The following CROCC2 variants were observed in gnomAD, a reference collection of about 807,000 sequenced individuals.
The protein encoded by CROCC2 is ciliary rootlet coiled-coil, rootletin family member 2.
A neutral mutation model predicts 177.6 loss-of-function variants in CROCC2; 163 were observed. The observed-to-expected ratio is 0.92, with a 90% CI of 0.81 to 1.05. The LOEUF is 1.05. Among genes scored for constraint, CROCC2 ranks in the 50% least tolerant of loss-of-function variants. The pLI, the probability that CROCC2 is intolerant of heterozygous loss-of-function variation, is 0.00. For missense variants in CROCC2, 1,929 were observed against 1,797.8 expected (o/e 1.07, Z -1.32); for synonymous variants, 904 against 787.3 (o/e 1.15, Z -2.48).
intron 4 of CROCC2, among the ~76,000 whole-genome samples, chr2:240,923,294 A>G (rs1054751584): frequency 1.3e-5 from 2 of 151,786 alleles, no homozygotes; most frequent in African/African-American, 4.8e-5. Context: ...GTCAGTGAGC[A>G]CTGACATTAG....
At position 240,960,393 on chromosome 2, in the gene CROCC2, C is replaced by T. The variant is rs555305713; in HGVS notation, c.3087+949C>T. Among the ~76,000 whole-genome samples the T allele has an allele frequency of 6.6e-5, 10 of 151,818 alleles. No individual in the cohort carries two copies. Among genetic ancestry groups the T allele is most frequent in the South Asian group, 4.2e-4 (2 of 4,806 alleles). The stretch of plus-strand genomic sequence containing the variant: ...GCCCCCAGGAGCCACATGATGGTGA[C>T]GTGGGGTGGGGGACAGTCTTGGGCA... On this transcript the variant is annotated intron_variant, in intron 20 of 31. Coordinates refer to ENST00000690015, the MANE Select transcript of CROCC2 (RefSeq NM_001351305.2). The surrounding 1 kb of genome is among the most constrained non-coding windows in gnomAD (Gnocchi z 5.0).
intron 20 of CROCC2, among the ~76,000 whole-genome samples, chr2:240,961,847 G>GAT (rs2059640008): frequency 4.1e-5 from 2 of 49,342 alleles, no homozygotes; most frequent in South Asian, 1.2e-3. Flanking sequence ...ATACACTCAT[G>GAT]ACACACACGC....
In CROCC2 at chr2:240,949,814, G is replaced by T. The variant is rs1381688040; in HGVS notation, c.2652+112G>T. ...GGAGACAGAGCTCAGAGACATAGGC[G>T]CCTGGCCAGGGCTGGGCAAGGACCA... On this transcript the variant is annotated intron_variant, in intron 17 of 31. Coordinates refer to ENST00000690015, the MANE Select transcript of CROCC2 (RefSeq NM_001351305.2). This position sits in a 1 kb window ranked among gnomAD's most constrained non-coding sequence, Gnocchi z 4.5. 6.0e-6 allele frequency: 7 copies of T among 1,159,488 alleles called. No individual in the cohort carries two copies. In the Admixed American group the frequency reaches 1.4e-4, roughly 23 times the overall value. 71.8% of individuals were successfully genotyped at this position (1,159,488 alleles called of 1,614,324 possible).
chr2:240,933,421 C>G (rs949754315), intron 10 of CROCC2, 79 bp downstream of exon 10: 4 of 1,367,670 alleles, frequency 2.9e-6, no homozygotes, highest in Non-Finnish European at 3.9e-6. Context: ...TCAGGACAAG[C>G]ACCTCTAGAG....
intron 5 of CROCC2, 130 bp from the exon 6 acceptor site, chr2:240,930,034 GAT>G (rs1188213124): frequency 1.3e-5 from 7 of 529,234 alleles, no homozygotes; most frequent in South Asian, 3.5e-5. Flanking sequence ...TTGCCTGTGA[GAT>G]ATGGGGGCTT....
At chr2:240,943,345 G>A (rs1234276704) in intron 14 of CROCC2, among the ~76,000 whole-genome samples, 4 of 151,956 alleles carry the variant, frequency 2.6e-5, no homozygotes, top group Non-Finnish European at 4.4e-5. Context: ...TTACCTCAAG[G>A]CATTTCCTTG....
intron 28 of CROCC2, among the ~76,000 whole-genome samples, chr2:240,986,391 C>G (rs1355349971): frequency 1.3e-5 from 2 of 151,968 alleles, no homozygotes; most frequent in African/African-American, 2.4e-5. Context: ...GAGCCCCACA[C>G]CCACCCCCTC....
Position 240,953,923 on chromosome 2 carries a change from T to C in CROCC2, c.2830-1936T>C, listed in dbSNP as rs1325778926. Among the ~76,000 whole-genome samples the C allele has an allele frequency of 6.6e-6, 1 of 152,170 alleles. No individual in the cohort carries two copies. The highest frequency in any genetic ancestry group is 6.5e-5 in the Admixed American group (1 of 15,290). On this transcript the variant is annotated intron_variant, in intron 18 of 31. Transcript: ENST00000690015. This position sits in a 1 kb window ranked among gnomAD's most constrained non-coding sequence, Gnocchi z 4.0. ...CACCCGAGAGAACGACACGCTTCTA[T>C]ATTTGATGAAGTTTTGCCTAAAATT...
In CROCC2 at chr2:240,934,353, G is replaced by A. The variant is rs2059453696; in HGVS notation, c.1669G>A (p.Glu557Lys). The change falls in exon 12 of 32, where the codon GAG (glutamate) becomes AAG (lysine). Residue 557 changes from glutamate (E) to lysine (K), a missense_variant. By Grantham distance (56) the Glu-to-Lys change is moderately conservative. Around this residue, in one of 3 missense-constraint regions of CROCC2, gnomAD observed 1,397 missense variants for 1,239.9 expected, o/e 1.13. Coordinates refer to ENST00000690015, the MANE Select transcript of CROCC2 (RefSeq NM_001351305.2). ...CAGTCAAGGCCGCCTGCAGCAGCTGGAGGAGAAGGTCTCCGGGCTCAGAGA... is the reference window on the plus strand; with the variant it reads ...CAGTCAAGGCCGCCTGCAGCAGCTGAAGGAGAAGGTCTCCGGGCTCAGAGA... Reference protein sequence around the residue: ...ETSQGRLQQLEEKVSGLREEL... With the variant: ...ETSQGRLQQLKEKVSGLREEL... 7 of 1,548,650 alleles carry A rather than the reference G, an allele frequency of 4.5e-6. No individual in the cohort carries two copies. In the Admixed American group the frequency reaches 9.8e-5, roughly 22 times the overall value.
At chr2:240,925,926 G>A (rs1414393580) in intron 5 of CROCC2, 46 bp downstream of exon 5, 2 of 672,990 alleles carry the variant, frequency 3.0e-6, no homozygotes, top group East Asian at 2.7e-5. Flanking sequence ...GCCTGTCTGG[G>A]TGCCTATGGC....
chr2:240,982,870 T>G lies in CROCC2; in HGVS notation c.4402-10T>G. On this transcript the variant is annotated splice_polypyrimidine_tract_variant and intron_variant, in intron 27 of 31. Transcript: ENST00000690015. The surrounding 1 kb of genome is among the most constrained non-coding windows in gnomAD (Gnocchi z 4.7). Reference sequence around the variant, plus strand: ...GTCTCCAGGTGGACCCTGTGTCTCCTTCCCCCCAGGAGCAACTGGAAACGC... The same window carrying G: ...GTCTCCAGGTGGACCCTGTGTCTCCGTCCCCCCAGGAGCAACTGGAAACGC... The G allele has an allele frequency of 6.5e-7, 1 of 1,545,110 alleles. No individual in the cohort carries two copies. Among genetic ancestry groups the G allele is most frequent in the Non-Finnish European group, 8.7e-7 (1 of 1,144,280 alleles).
chr2:240,922,513 C>T (rs751206711), intron 3 of CROCC2, 26 bp from the exon 4 acceptor site: 2 of 689,872 alleles, frequency 2.9e-6, no homozygotes, highest in Non-Finnish European at 5.4e-6. Flanking sequence ...AGCAGCCAGA[C>T]CAGGTGGGCT....
At chr2:240,956,430 T>G in intron 19 of CROCC2, 1 of 167,318 alleles carries the variant, frequency 6.0e-6, no homozygotes, top group Non-Finnish European at 1.3e-5. Context: ...CAGAGGAAAC[T>G]CTCGGCAGGA....
rs547039324 is a variant in CROCC2, at chr2:240,922,692, C to T, written c.488+47C>T. 1.5e-5 allele frequency: 8 copies of T among 528,064 alleles called. No individual in the cohort carries two copies. In the East Asian group the frequency reaches 2.7e-4, roughly 18 times the overall value. The allele number at this position is 528,064 out of a possible 1,614,324, so 32.7% of individuals were successfully genotyped here. ...TCAGGGCTGCAGGAAGCACAGCCAT[C>T]CCCCCGAGAGGCAGTGGGACCCTCT... On this transcript the variant is annotated intron_variant, in intron 4 of 31. Transcript: ENST00000690015.
chr2:240,992,788 G>A lies in CROCC2; in HGVS notation c.4947-278G>A, dbSNP rs56955071. 5.7e-3 allele frequency among the ~76,000 whole-genome samples: 863 copies of A among 152,360 alleles called. 12 individuals are homozygous for A. Among genetic ancestry groups the A allele is most frequent in the African/African-American group, 0.02 (837 of 41,584 alleles). ...CAGATGGTGGGTGGAGGGGGTCACT[G>A]AGAGGCAGCGTGTGGTGCTCAGGGC... On this transcript the variant is annotated intron_variant, in intron 31 of 31. Transcript: ENST00000690015.
Position 240,933,680 on chromosome 2 carries a change from G to T in CROCC2, c.1474G>T (p.Ala492Ser), listed in dbSNP as rs2059448671. 1 of 1,550,298 alleles carries T rather than the reference G, an allele frequency of 6.5e-7. No homozygotes were observed. Among genetic ancestry groups the T allele is most frequent in the African/African-American group, 1.4e-5 (1 of 73,172 alleles). The change falls in exon 11 of 32, where the codon GCT becomes TCT. Residue 492 changes from alanine to serine, a missense_variant. Physicochemically the swap from Ala to Ser is moderately conservative, Grantham distance 99. Transcript: ENST00000690015. ...CCCCACCATCCCCAGGGAGAAGGCTGCTCTGGAGATGGTGGTGGAGGAGCT... is the reference window on the plus strand; with the variant it reads ...CCCCACCATCCCCAGGGAGAAGGCTTCTCTGGAGATGGTGGTGGAGGAGCT... ...SCKLLGREKA[A>S]LEMVVEELKG...
intron 1 of CROCC2, among the ~76,000 whole-genome samples, chr2:240,916,265 G>A (rs1180826391): frequency 6.6e-6 from 1 of 151,702 alleles, no homozygotes. Context: ...CCTCTCCCCT[G>A]CTTGCTCCTT....
Position 240,925,740 on chromosome 2 carries a change from C to T in CROCC2, c.505C>T (p.Gln169Ter). The stretch of plus-strand genomic sequence containing the variant: ...TCTGTCCAGGAGCACCGGCCTCTGT[C>T]AGGTGAACGCGCTCCTGCGGGAGCA... ...AAEERSTGLC[Q>*]VNALLREQLE... Residue 169 changes from glutamine (Q) to a stop codon, truncating the protein, a stop_gained, in exon 5 of 32, where the codon CAG becomes TAG. Transcript: ENST00000690015. LOFTEE classifies it high-confidence loss of function. The T allele has an allele frequency of 1.4e-6, 1 of 716,466 alleles. No individual in the cohort carries two copies. Among genetic ancestry groups the T allele is most frequent in the South Asian group, 1.5e-5 (1 of 67,502 alleles). 44.4% of individuals were successfully genotyped at this position (716,466 alleles called of 1,614,324 possible). A position where few individuals can be genotyped will look rare whatever the true frequency, so the allele number is the denominator to read the frequency against.
At chr2:240,909,480 G>A (rs982893635) in intron 1 of CROCC2, among the ~76,000 whole-genome samples, 1 of 152,242 alleles carries the variant, frequency 6.6e-6, no homozygotes, top group African/African-American at 2.4e-5. Flanking sequence ...AGCACACTAC[G>A]TTTGCAGGAC....
Sources: allele counts gnomAD v4.1 joint callset (sites outside exome capture counted in the v4.1 genomes callset), GRCh38; gene constraint gnomAD v4.1.1; regional missense constraint gnomAD v4.1.1; non-coding constraint Gnocchi (gnomAD v3.1); transcripts MANE v1.5; gene names NCBI Gene and HGNC (gene_info 2026-07-23, HGNC 2026-07-21).